ADGRB3: variants seen among roughly 807,000 people sequenced by gnomAD.
ADGRB3 encodes the protein brain-specific angiogenesis inhibitor 3.
Under a neutral mutation model 193.4 loss-of-function variants are expected in ADGRB3, and 37 were observed. That is an observed-to-expected ratio of 0.19 (90% CI 0.15 to 0.25). The LOEUF (loss-of-function observed/expected upper bound fraction) is 0.25. ADGRB3 is among the 10% of genes least tolerant of loss of function. The pLI is 1.00. For missense variants in ADGRB3, 1,637 were observed against 1,852.9 expected (o/e 0.88, Z 2.14); for synonymous variants, 690 against 644.2 (o/e 1.07, Z -1.08).
At chr6:69,057,046 C>T (rs531118914) in intron 15 of ADGRB3, among the ~76,000 whole-genome samples, 1 of 151,990 alleles carries the variant, frequency 6.6e-6, no homozygotes, top group South Asian at 2.1e-4. Context: ...ACAGGATTTC[C>T]TTCCATTTAT....
At chr6:68,898,626 GA>G (rs1304012259) in intron 3 of ADGRB3, among the ~76,000 whole-genome samples, 2 of 152,210 alleles carry the variant, frequency 1.3e-5, no homozygotes, top group East Asian at 3.9e-4. Flanking sequence ...TTCACATAGT[GA>G]ATTTCTTCCA....
chr6:69,354,183 C>A, intron 26 of ADGRB3, 50 bp from the exon 27 acceptor site: 3 of 1,344,970 alleles, frequency 2.2e-6, no homozygotes, highest in Non-Finnish European at 3.2e-6. Context: ...TAGACAGTAT[C>A]TTGTCATTAT....
chr6:68,985,001 C>T (rs183914459), intron 10 of ADGRB3, among the ~76,000 whole-genome samples: 2 of 151,906 alleles, frequency 1.3e-5, no homozygotes, highest in Admixed American at 1.3e-4. Context: ...AGGTATAAAA[C>T]AGTAATTTCC....
intron 3 of ADGRB3, among the ~76,000 whole-genome samples, chr6:68,711,091 C>T (rs568855928): frequency 5.3e-5 from 8 of 152,106 alleles, no homozygotes; most frequent in African/African-American, 1.9e-4. Flanking sequence ...GTTTTTCTAC[C>T]CAGGCCAGCT....
chr6:69,071,755 A>G (rs1772086589), intron 16 of ADGRB3, among the ~76,000 whole-genome samples: 1 of 152,150 alleles, frequency 6.6e-6, no homozygotes, highest in Non-Finnish European at 1.5e-5. Context: ...AATCTTCTTT[A>G]ACCCATCTGT....
chr6:68,897,250 T>C (rs1200971022), intron 3 of ADGRB3, among the ~76,000 whole-genome samples: 1 of 151,688 alleles, frequency 6.6e-6, no homozygotes, highest in Non-Finnish European at 1.5e-5. Context: ...ATGCCAGCAT[T>C]TTGGGAAGTC....
intron 17 of ADGRB3, among the ~76,000 whole-genome samples, chr6:69,146,952 G>A (rs550106548): frequency 1.3e-5 from 2 of 150,186 alleles, no homozygotes; most frequent in Admixed American, 6.7e-5. Flanking sequence ...TATAGTTGCC[G>A]ACAGTAGCCT....
At chr6:69,321,925 T>C (rs1294869059) in intron 20 of ADGRB3, among the ~76,000 whole-genome samples, 1 of 151,794 alleles carries the variant, frequency 6.6e-6, no homozygotes, top group Non-Finnish European at 1.5e-5. Flanking sequence ...ATGGGTGTTA[T>C]GGAGTCTGGT....
chr6:69,355,283 A>G (rs1769314781), intron 27 of ADGRB3, among the ~76,000 whole-genome samples: 1 of 152,218 alleles, frequency 6.6e-6, no homozygotes, highest in Non-Finnish European at 1.5e-5. Context: ...GTATGGTTTA[A>G]TCTTCAGTTT....
At chr6:69,320,961 T>C (rs931749111) in intron 20 of ADGRB3, among the ~76,000 whole-genome samples, 1 of 151,648 alleles carries the variant, frequency 6.6e-6, no homozygotes, top group Non-Finnish European at 1.5e-5. Context: ...GATTTCTGCC[T>C]TCTGGAAATA....
intron 20 of ADGRB3, among the ~76,000 whole-genome samples, chr6:69,290,452 TGAGAGAGAGA>T (rs57690559): frequency 6.8e-6 from 1 of 148,110 alleles, no homozygotes; most frequent in Non-Finnish European, 1.5e-5. Flanking sequence ...AAATTGAGAC[TGAGAGAGAGA>T]GAGAGAGAGA....
At position 68,980,822 on chromosome 6, in the gene ADGRB3, C is replaced by A. The variant is rs190445348; in HGVS notation, c.1734+5482C>A. ...TCTATGTAATATAATAAGGCTGGAA[C>A]GTGACAAGTCATGGAAAAGCAGGGA... On this transcript the variant is annotated intron_variant, in intron 10 of 31. Transcript: ENST00000370598. Among the ~76,000 whole-genome samples the A allele has an allele frequency of 7.9e-5, 12 of 151,356 alleles. No homozygotes were observed. The East Asian group carries it at 2.3e-3, about 29-fold the overall frequency.
chr6:68,843,073 C>T lies in ADGRB3; in HGVS notation c.758-87486C>T, dbSNP rs551063872. Among the ~76,000 whole-genome samples the T allele has an allele frequency of 1.1e-4, 16 of 144,142 alleles. No individual in the cohort carries two copies. The Middle Eastern group carries it at 0.011, about 98-fold the overall frequency. 94.6% of individuals were successfully genotyped at this position (144,142 alleles called of 152,430 possible). A position where few individuals can be genotyped will look rare whatever the true frequency, so the allele number is the denominator to read the frequency against. Reference sequence around the variant, plus strand: ...CAACAAAAAAAAAAACAGGAAATGTCGTACTGAATGGGGAAAAACTGAAAG... The same window carrying T: ...CAACAAAAAAAAAAACAGGAAATGTTGTACTGAATGGGGAAAAACTGAAAG... On this transcript the variant is annotated intron_variant, in intron 3 of 31. Coordinates refer to ENST00000370598, the MANE Select transcript of ADGRB3 (RefSeq NM_001704.3).
intron 3 of ADGRB3, among the ~76,000 whole-genome samples, chr6:68,843,371 A>G (rs1768202748): frequency 1.3e-5 from 2 of 152,094 alleles, no homozygotes; most frequent in Non-Finnish European, 2.9e-5. Context: ...TAATATTTCT[A>G]TATGCCAACA....
At chr6:69,268,116 C>T (rs937308911) in intron 20 of ADGRB3, among the ~76,000 whole-genome samples, 2 of 152,110 alleles carry the variant, frequency 1.3e-5, no homozygotes, top group African/African-American at 2.4e-5. Context: ...AAAGATAATA[C>T]AATCTTGAAA....
At chr6:68,731,379 A>G (rs1490367329) in intron 3 of ADGRB3, among the ~76,000 whole-genome samples, 1 of 151,698 alleles carries the variant, frequency 6.6e-6, no homozygotes, top group Non-Finnish European at 1.5e-5. Flanking sequence ...ATAAAGTAAC[A>G]GAAACGAATA....
chr6:69,260,831 A>G (rs1331037401), intron 20 of ADGRB3, among the ~76,000 whole-genome samples: 1 of 152,142 alleles, frequency 6.6e-6, no homozygotes, highest in Non-Finnish European at 1.5e-5. Context: ...TTTATTGATG[A>G]TACATTAATA....
At chr6:68,974,908 C>T in intron 9 of ADGRB3, 44 bp downstream of exon 9, 1 of 1,496,182 alleles carries the variant, frequency 6.7e-7, no homozygotes, top group Non-Finnish European at 9.3e-7. Flanking sequence ...TAATCCCCAT[C>T]CAAGAACAGC....
intron 13 of ADGRB3, among the ~76,000 whole-genome samples, chr6:69,024,856 G>A (rs988745009): frequency 1.3e-5 from 2 of 152,134 alleles, no homozygotes; most frequent in African/African-American, 2.4e-5. Context: ...ACTTTGGGAG[G>A]CCGAGGCAGG....
Sources: allele counts gnomAD v4.1 joint callset (sites outside exome capture counted in the v4.1 genomes callset), GRCh38; gene constraint gnomAD v4.1.1; transcripts MANE v1.5; gene names NCBI Gene and HGNC (gene_info 2026-07-23, HGNC 2026-07-21).